BTBD9: variants seen among roughly 807,000 people sequenced by gnomAD.
The protein encoded by BTBD9 is BTB domain containing 9, also known as BTB/POZ domain-containing protein 9.
In BTBD9, 49 loss-of-function variants were observed where a neutral mutation model predicts 64.3. The ratio of observed to expected loss-of-function variants is 0.76; its 90% confidence interval spans 0.61 to 0.97. The LOEUF (loss-of-function observed/expected upper bound fraction) is 0.97. Ranked by LOEUF, BTBD9 falls within the 50% of genes least tolerant of loss-of-function variation. BTBD9 has a pLI of 0.00. For synonymous variants in BTBD9, 260 were observed against 274.7 expected (o/e 0.95, Z 0.53); for missense variants, 598 against 762.1 (o/e 0.78, Z 2.53).
rs188738085 is a variant in BTBD9 at position 38,316,835 on chromosome 6, G to A, written c.1264+28149C>T. On this transcript the variant is annotated intron_variant, in intron 7 of 10. Transcript: ENST00000481247. ...TTGCTCATTAACAACCTTTCCTTTC[G>A]GACCAAAGAACTCCCTTTGGCATTT... Among the ~76,000 whole-genome samples the A allele has an allele frequency of 1.6e-4, 24 of 152,030 alleles. No individual in the cohort carries two copies. In the East Asian group the frequency reaches 1.9e-3, roughly 12 times the overall value.
chr6:38,363,560 G>A (rs1217664706), intron 6 of BTBD9, among the ~76,000 whole-genome samples: 1 of 152,164 alleles, frequency 6.6e-6, no homozygotes, highest in South Asian at 2.1e-4. Context: ...TATAGCTTGG[G>A]TGACAAAGAC....
chr6:38,586,302 T>C (rs1451560201), intron 4 of BTBD9, among the ~76,000 whole-genome samples: 1 of 152,076 alleles, frequency 6.6e-6, no homozygotes, highest in Non-Finnish European at 1.5e-5. Flanking sequence ...TAATTCTCTT[T>C]CCCCAGCTGT....
At position 38,194,211 on chromosome 6, in the gene BTBD9, A is replaced by G. The variant is rs2039747898; in HGVS notation, c.1563-1614T>C. On this transcript the variant is annotated intron_variant, in intron 9 of 10. Transcript: ENST00000481247. ...AGGCCTAGCTGTCTCTTGCGAGCCA[A>G]GCAGTGGAACTGACCACACACTCAT... 2.0e-5 allele frequency among the ~76,000 whole-genome samples: 3 copies of G among 152,192 alleles called. 1 individual carries two copies. In the South Asian group the frequency reaches 6.2e-4, roughly 32 times the overall value.
At chr6:38,410,003 C>T (rs1415067665) in intron 6 of BTBD9, among the ~76,000 whole-genome samples, 1 of 151,876 alleles carries the variant, frequency 6.6e-6, no homozygotes, top group Non-Finnish European at 1.5e-5. Context: ...AGAGCTAAAC[C>T]GTTATATTTT....
At chr6:38,459,130 TGCCGCAGCCTTTCAA>T (rs1407333463) in intron 6 of BTBD9, among the ~76,000 whole-genome samples, 1 of 152,146 alleles carries the variant, frequency 6.6e-6, no homozygotes, top group East Asian at 1.9e-4. Context: ...GCAATTCTCC[TGCCGCAGCCTTTCAA>T]GTAGCTGGGA....
chr6:38,337,252 T>C (rs1763929915), intron 7 of BTBD9, among the ~76,000 whole-genome samples: 1 of 152,242 alleles, frequency 6.6e-6, no homozygotes, highest in Admixed American at 6.5e-5. Context: ...AGCACAGAAG[T>C]TGTGTTATAC....
intron 1 of BTBD9, among the ~76,000 whole-genome samples, chr6:38,637,420 G>T (rs1042755304): frequency 2.0e-5 from 3 of 152,150 alleles, no homozygotes; most frequent in African/African-American, 7.2e-5. Flanking sequence ...TCACATAACA[G>T]AAGATGTTAT....
chr6:38,611,498 G>T (rs552058546), intron 1 of BTBD9, among the ~76,000 whole-genome samples: 1 of 152,262 alleles, frequency 6.6e-6, no homozygotes, highest in South Asian at 2.1e-4. Flanking sequence ...ACAGTGCAAT[G>T]AGACATGAGC....
In BTBD9 at chr6:38,315,690, A is replaced by C. The variant is rs544715048; in HGVS notation, c.1265-27229T>G. ...CAGAGAAGATATCTGATATTATTTC[A>C]GTTTTTTTGAATGTTTTGAGACTTG... On this transcript the variant is annotated intron_variant, in intron 7 of 10. Coordinates refer to ENST00000481247, the MANE Select transcript of BTBD9 (RefSeq NM_001099272.2). Among the ~76,000 whole-genome samples the C allele has an allele frequency of 2.0e-5, 3 of 152,246 alleles. No homozygotes were observed. In the South Asian group the frequency reaches 6.2e-4, roughly 32 times the overall value.
At chr6:38,224,556 C>T (rs1199440523) in intron 9 of BTBD9, among the ~76,000 whole-genome samples, 1 of 152,166 alleles carries the variant, frequency 6.6e-6, no homozygotes, top group African/African-American at 2.4e-5. Flanking sequence ...AAAATACACA[C>T]AATGGAGAAG....
chr6:38,520,974 A>T (rs1002245248), intron 6 of BTBD9, among the ~76,000 whole-genome samples: 3 of 151,904 alleles, frequency 2.0e-5, no homozygotes, highest in Admixed American at 1.3e-4. Context: ...GAAAAAAGAT[A>T]TGGGTTGCTT....
intron 6 of BTBD9, among the ~76,000 whole-genome samples, chr6:38,394,677 A>T (rs79239481): frequency 6.6e-6 from 1 of 151,772 alleles, no homozygotes; most frequent in African/African-American, 2.4e-5. Context: ...AAAAAAAAAA[A>T]CATGGCAGCT....
chr6:38,367,814 A>AC (rs1562086200), intron 6 of BTBD9, among the ~76,000 whole-genome samples: 1 of 100,852 alleles, frequency 9.9e-6, no homozygotes, highest in African/African-American at 3.6e-5. Flanking sequence ...AAAAAAAAAA[A>AC]AAAAAAAAAA....
At chr6:38,293,044 A>T (rs1237489389) in intron 7 of BTBD9, among the ~76,000 whole-genome samples, 1 of 152,170 alleles carries the variant, frequency 6.6e-6, no homozygotes, top group Non-Finnish European at 1.5e-5. Flanking sequence ...GTTTCAAAGA[A>T]CTTATTTATT....
chr6:38,459,426 AT>A (rs964419442), intron 6 of BTBD9, among the ~76,000 whole-genome samples: 1 of 152,298 alleles, frequency 6.6e-6, no homozygotes, highest in Admixed American at 6.5e-5. Context: ...GTTCTGGCCA[AT>A]GGGTTGTGAG....
At chr6:38,282,909 G>A (rs368155934) in intron 8 of BTBD9, among the ~76,000 whole-genome samples, 29 of 122,968 alleles carry the variant, frequency 2.4e-4, no homozygotes, top group African/African-American at 3.2e-4. Flanking sequence ...AAAAAACAGC[G>A]TTTATTATCT....
At chr6:38,428,193 T>C (rs1768266307) in intron 6 of BTBD9, among the ~76,000 whole-genome samples, 1 of 151,842 alleles carries the variant, frequency 6.6e-6, no homozygotes, top group Non-Finnish European at 1.5e-5. Context: ...CAAAGGTGCT[T>C]CATGAAGGAC....
intron 9 of BTBD9, among the ~76,000 whole-genome samples, chr6:38,253,665 C>G (rs1468511527): frequency 6.6e-6 from 1 of 152,170 alleles, no homozygotes; most frequent in East Asian, 1.9e-4. Context: ...AGTACAAGGT[C>G]TGGTCTGGGA....
chr6:38,248,108 T>C (rs1307648467), intron 9 of BTBD9, among the ~76,000 whole-genome samples: 2 of 152,208 alleles, frequency 1.3e-5, no homozygotes, highest in Non-Finnish European at 2.9e-5. Flanking sequence ...TTCTTTCTAC[T>C]TATGATAACA....
Sources: gnomAD v4.1 joint callset for allele counts (sites outside exome capture counted in the v4.1 genomes callset) on GRCh38, gnomAD v4.1.1 for gene constraint, MANE v1.5 for transcripts, NCBI Gene and HGNC (gene_info 2026-07-23, HGNC 2026-07-21) for gene names.